GTSE1: variants seen among roughly 807,000 people sequenced by gnomAD.
The protein encoded by GTSE1 is G2 and S phase-expressed protein 1.
GTSE1 carries 52 observed loss-of-function variants against 60.5 expected under a neutral mutation model. That is an observed-to-expected ratio of 0.86 (90% CI 0.69 to 1.08). The LOEUF (loss-of-function observed/expected upper bound fraction) is 1.08, where lower values mean the gene tolerates loss of function less well. Among genes scored for constraint, GTSE1 ranks in the 50% least tolerant of loss-of-function variants. The probability of loss-of-function intolerance (pLI) is 0.00; values close to 1 mark genes in which losing one functional copy is unlikely to be tolerated. For missense variants in GTSE1, 937 were observed against 961.8 expected (o/e 0.97, Z 0.34); for synonymous variants, 368 against 386.5 (o/e 0.95, Z 0.56).
At chr22:46,305,545 G>C (rs903552947) in intron 2 of GTSE1, among the ~76,000 whole-genome samples, 1 of 152,010 alleles carries the variant, frequency 6.6e-6, no homozygotes, top group Non-Finnish European at 1.5e-5. Flanking sequence ...GGAAGCAGAG[G>C]TTGTAGTGAG....
intron 7 of GTSE1, 34 bp from the exon 8 acceptor site, chr22:46,323,156 T>C: frequency 6.7e-7 from 1 of 1,485,848 alleles, no homozygotes; most frequent in Non-Finnish European, 9.4e-7. Context: ...CCTGATCACT[T>C]TACCTGACCG....
Position 46,297,524 on chromosome 22 carries a change from G to C in GTSE1, c.79+45G>C. 7.7e-7 allele frequency: 1 copy of C among 1,294,436 alleles called. No individual in the cohort carries two copies. The highest frequency in any genetic ancestry group is 1.1e-6 in the Non-Finnish European group (1 of 894,876). 80.2% of individuals were successfully genotyped at this position (1,294,436 alleles called of 1,614,324 possible). A position where few individuals can be genotyped will look rare whatever the true frequency, so the allele number is the denominator to read the frequency against. ...GCGCTGTTGTTGTTCAGGATGTTCA[G>C]TAGAGATGGAGGGTGATTTAATGTT... is the stretch of plus-strand genomic sequence containing the variant. On this transcript the variant is annotated intron_variant, in intron 2 of 11. Transcript: ENST00000454366. The surrounding 1 kb of genome is among the most constrained non-coding windows in gnomAD (Gnocchi z 4.9).
In GTSE1 at chr22:46,297,573, T is replaced by G. The variant is rs2077664580; in HGVS notation, c.79+94T>G. On this transcript the variant is annotated intron_variant, in intron 2 of 11. Coordinates refer to ENST00000454366, the MANE Select transcript of GTSE1 (RefSeq NM_016426.7). The surrounding 1 kb of genome is among the most constrained non-coding windows in gnomAD (Gnocchi z 4.9). ...TTTCCCTGAGAAATTCTTTCTCAAG[T>G]GCTCGACTTGTACTCTGCACCTGTG... is the stretch of plus-strand genomic sequence containing the variant. 1 of 874,686 alleles carries G rather than the reference T, an allele frequency of 1.1e-6. No homozygotes were observed. The highest frequency in any genetic ancestry group is 1.5e-5 in the South Asian group (1 of 66,230). 54.2% of individuals were successfully genotyped at this position (874,686 alleles called of 1,614,324 possible).
At position 46,318,836 on chromosome 22, in the gene GTSE1, T is replaced by C. The variant is rs1479304056; in HGVS notation, c.1432+2424T>C. ...ACTCCTTGGTGTCAGGGACCCAGGC[T>C]TACTCCATCCTGTGCTGCCGTGATG... On this transcript the variant is annotated intron_variant, in intron 7 of 11. Transcript: ENST00000454366. This position sits in a 1 kb window ranked among gnomAD's most constrained non-coding sequence, Gnocchi z 4.8. 6.6e-6 allele frequency among the ~76,000 whole-genome samples: 1 copy of C among 152,114 alleles called. No individual in the cohort carries two copies. The highest frequency in any genetic ancestry group is 1.5e-5 in the Non-Finnish European group (1 of 68,022).
Position 46,317,911 on chromosome 22 carries a change from G to A in GTSE1, c.1432+1499G>A, listed in dbSNP as rs1456989647. On this transcript the variant is annotated intron_variant, in intron 7 of 11. Transcript: ENST00000454366. This position sits in a 1 kb window ranked among gnomAD's most constrained non-coding sequence, Gnocchi z 5.6. ...CTGTGAGCTCCGCTCGTTGCTCCCTGGTAGTTGCTCTTCTCTTGACCTTGA... is the reference window on the plus strand; with the variant it reads ...CTGTGAGCTCCGCTCGTTGCTCCCTAGTAGTTGCTCTTCTCTTGACCTTGA... 6.6e-6 allele frequency among the ~76,000 whole-genome samples: 1 copy of A among 152,242 alleles called. No homozygotes were observed. Among genetic ancestry groups the A allele is most frequent in the East Asian group, 1.9e-4 (1 of 5,188 alleles).
In GTSE1 at chr22:46,316,149, T is replaced by C. The variant is rs1427160539; in HGVS notation, c.1169T>C (p.Val390Ala). The change falls in exon 7 of 12, where the codon GTG (valine) becomes GCG (alanine). Residue 390 changes from valine (V) to alanine (A), a missense_variant. Physicochemically the swap from Val to Ala is moderately conservative, Grantham distance 64. Coordinates refer to ENST00000454366, the MANE Select transcript of GTSE1 (RefSeq NM_016426.7). This position sits in a 1 kb window ranked among gnomAD's most constrained non-coding sequence, Gnocchi z 5.0. Reference protein sequence around the residue: ...MLRPALPAGPVGASSWQAKRV... With the variant: ...MLRPALPAGPAGASSWQAKRV... ...CGGCCAGCTCTGCCTGCAGGCCCTG[T>C]GGGGGCATCCTCCTGGCAGGCCAAG... is the stretch of plus-strand genomic sequence containing the variant. The C allele has an allele frequency of 1.2e-6, 2 of 1,611,604 alleles. No individual in the cohort carries two copies. The highest frequency in any genetic ancestry group is 1.7e-6 in the Non-Finnish European group (2 of 1,178,498).
Position 46,297,469 on chromosome 22 carries a change from T to G in GTSE1, c.69T>G (p.Pro23=). 2.5e-6 allele frequency: 4 copies of G among 1,611,408 alleles called. No homozygotes were observed. Among genetic ancestry groups the G allele is most frequent in the Non-Finnish European group, 3.4e-6 (4 of 1,177,608 alleles). The change falls in exon 2 of 12, where the codon CCT becomes CCG. Residue 23 remains proline (P), a synonymous_variant. Transcript: ENST00000454366. This position sits in a 1 kb window ranked among gnomAD's most constrained non-coding sequence, Gnocchi z 4.9. ...CRAGDVNMDD[P]KKEDILLLAD... The stretch of plus-strand genomic sequence containing the variant: ...CAGGGGACGTGAACATGGATGACCC[T>G]AAGAAGGAAGGCAAGTCCTTGCTGC...
chr22:46,303,066 A>G (rs777015651), intron 2 of GTSE1, among the ~76,000 whole-genome samples: 10 of 151,770 alleles, frequency 6.6e-5, no homozygotes, highest in South Asian at 2.1e-4. Context: ...CACCCGGCTA[A>G]TTTTTTGTAT....
chr22:46,307,106 C>T (rs1024562786), intron 2 of GTSE1, among the ~76,000 whole-genome samples: 1 of 152,094 alleles, frequency 6.6e-6, no homozygotes. Flanking sequence ...TAACCTGGAA[C>T]TTGTGATCTG....
At position 46,317,474 on chromosome 22, in the gene GTSE1, C is replaced by A. The variant is rs1193922247; in HGVS notation, c.1432+1062C>A. On this transcript the variant is annotated intron_variant, in intron 7 of 11. Coordinates refer to ENST00000454366, the MANE Select transcript of GTSE1 (RefSeq NM_016426.7). The surrounding 1 kb of genome is among the most constrained non-coding windows in gnomAD (Gnocchi z 5.6). ...TTTAGGGTCTACGATTCTTCTCATACCATCTTCCCCATCATTTTGGGGTCT... is the reference window on the plus strand; with the variant it reads ...TTTAGGGTCTACGATTCTTCTCATAACATCTTCCCCATCATTTTGGGGTCT... Among the ~76,000 whole-genome samples the A allele has an allele frequency of 6.6e-6, 1 of 152,160 alleles. No homozygotes were observed. Among genetic ancestry groups the A allele is most frequent in the Non-Finnish European group, 1.5e-5 (1 of 68,040 alleles).
rs1457698557 is a variant in GTSE1, at chr22:46,318,749, G to A, written c.1432+2337G>A. The stretch of plus-strand genomic sequence containing the variant: ...GTGCTCTGGGAGCAGCATGGGGGCC[G>A]GAGGGTGGGAGTGCAGCCGCTGCGG... On this transcript the variant is annotated intron_variant, in intron 7 of 11. Coordinates refer to ENST00000454366, the MANE Select transcript of GTSE1 (RefSeq NM_016426.7). This position sits in a 1 kb window ranked among gnomAD's most constrained non-coding sequence, Gnocchi z 4.8. Among the ~76,000 whole-genome samples the A allele has an allele frequency of 2.0e-5, 3 of 152,266 alleles. No individual in the cohort carries two copies. The highest frequency in any genetic ancestry group is 4.4e-5 in the Non-Finnish European group (3 of 68,016).
intron 7 of GTSE1, among the ~76,000 whole-genome samples, chr22:46,322,777 G>T (rs953046926): frequency 3.3e-5 from 5 of 152,230 alleles, no homozygotes. Flanking sequence ...GCTCTGTTGC[G>T]CGTGCCTGGG....
chr22:46,329,357 G>C lies in GTSE1; in HGVS notation c.1927-1G>C. ...GCTCTTAACCTTGGTTTTGTACCCA[G>C]GCTCTTCTTGTAGATATCAAACTGG... On this transcript the variant is annotated splice_acceptor_variant, in intron 10 of 11. Coordinates refer to ENST00000454366, the MANE Select transcript of GTSE1 (RefSeq NM_016426.7). LOFTEE classifies it high-confidence loss of function. The surrounding 1 kb of genome is among the most constrained non-coding windows in gnomAD (Gnocchi z 6.4). 6.2e-7 allele frequency: 1 copy of C among 1,612,642 alleles called. No individual in the cohort carries two copies. The highest frequency in any genetic ancestry group is 8.5e-7 in the Non-Finnish European group (1 of 1,178,684).
Position 46,308,904 on chromosome 22 carries a change from C to T in GTSE1, c.723C>T (p.Ala241=), listed in dbSNP as rs776901641. The part of the protein sequence containing the change: ...PGTKLLLPRA[A]SVRGRSIPGA... Reference sequence around the variant, plus strand: ...CCAAATTGCTGCTGCCTCGAGCGGCCTCTGTTAGAGGAAGAAGCATCCCTG... The same window carrying T: ...CCAAATTGCTGCTGCCTCGAGCGGCTTCTGTTAGAGGAAGAAGCATCCCTG... Residue 241 remains alanine, a synonymous_variant, in exon 4 of 12, where the codon GCC becomes GCT. Coordinates refer to ENST00000454366, the MANE Select transcript of GTSE1 (RefSeq NM_016426.7). 1.3e-5 allele frequency: 21 copies of T among 1,612,920 alleles called. No homozygotes were observed. The South Asian group carries it at 2.3e-4, about 18-fold the overall frequency.
Position 46,310,734 on chromosome 22 carries a change from G to A in GTSE1, c.763-1407G>A, listed in dbSNP as rs560279526. On this transcript the variant is annotated intron_variant, in intron 4 of 11. Transcript: ENST00000454366. The surrounding 1 kb of genome is among the most constrained non-coding windows in gnomAD (Gnocchi z 4.4). ...ACCTGAGGTCAGGAGTTTGAGCCCA[G>A]CCCGGCCAACATGGTGAAACCCCGT... Among the ~76,000 whole-genome samples, 1 of 152,202 alleles carries A rather than the reference G, an allele frequency of 6.6e-6. No homozygotes were observed. The highest frequency in any genetic ancestry group is 1.5e-5 in the Non-Finnish European group (1 of 68,036).
chr22:46,315,950 TA>T, intron 6 of GTSE1, 81 bp from the exon 7 acceptor site: 1 of 1,108,622 alleles, frequency 9.0e-7, no homozygotes, highest in Non-Finnish European at 1.3e-6. Context: ...GTAGATATGC[TA>T]AAGACAGCAT....
In GTSE1 at chr22:46,314,114, G is replaced by A; in HGVS notation, c.1051+101G>A. On this transcript the variant is annotated intron_variant, in intron 6 of 11. Transcript: ENST00000454366. This position sits in a 1 kb window ranked among gnomAD's most constrained non-coding sequence, Gnocchi z 7.1. Reference sequence around the variant, plus strand: ...TGTTTCTGCAGAACCACTTAGGCTTGGCAGGACGTCCCGGAGGGCGTGCTG... The same window carrying A: ...TGTTTCTGCAGAACCACTTAGGCTTAGCAGGACGTCCCGGAGGGCGTGCTG... 1 of 1,462,416 alleles carries A rather than the reference G, an allele frequency of 6.8e-7. No homozygotes were observed. The highest frequency in any genetic ancestry group is 9.4e-7 in the Non-Finnish European group (1 of 1,059,014). 90.6% of individuals were successfully genotyped at this position (1,462,416 alleles called of 1,614,324 possible). A position where few individuals can be genotyped will look rare whatever the true frequency, so the allele number is the denominator to read the frequency against.
In GTSE1 at chr22:46,309,944, G is replaced by A. The variant is rs971337710; in HGVS notation, c.762+1001G>A. Reference sequence around the variant, plus strand: ...GTGCATGTAGCACGCGTGGACTCGGGGAGAGAGGTGGTGTGATTTGGGCTG... The same window carrying A: ...GTGCATGTAGCACGCGTGGACTCGGAGAGAGAGGTGGTGTGATTTGGGCTG... On this transcript the variant is annotated intron_variant, in intron 4 of 11. Coordinates refer to ENST00000454366, the MANE Select transcript of GTSE1 (RefSeq NM_016426.7). The surrounding 1 kb of genome is among the most constrained non-coding windows in gnomAD (Gnocchi z 6.2). Among the ~76,000 whole-genome samples the A allele has an allele frequency of 2.6e-5, 4 of 152,234 alleles. No individual in the cohort carries two copies. The highest frequency in any genetic ancestry group is 6.5e-5 in the Admixed American group (1 of 15,288).
At chr22:46,300,665 A>G (rs1751833603) in intron 2 of GTSE1, among the ~76,000 whole-genome samples, 1 of 152,148 alleles carries the variant, frequency 6.6e-6, no homozygotes, top group South Asian at 2.1e-4. Flanking sequence ...CACCTAGCGA[A>G]GGATGTGGTC....
Sources: allele counts gnomAD v4.1 joint callset (sites outside exome capture counted in the v4.1 genomes callset), GRCh38; gene constraint gnomAD v4.1.1; non-coding constraint Gnocchi (gnomAD v3.1); transcripts MANE v1.5; gene names NCBI Gene and HGNC (gene_info 2026-07-23, HGNC 2026-07-21).